PTK2B: variants seen among roughly 807,000 people sequenced by gnomAD.
PTK2B encodes the protein protein-tyrosine kinase 2-beta.
In PTK2B, 71 loss-of-function variants were observed where a neutral mutation model predicts 142.9. The ratio of observed to expected loss-of-function variants is 0.50; its 90% CI spans 0.41 to 0.61. The LOEUF is 0.61. Among genes scored for constraint, PTK2B ranks in the 20% least tolerant of loss-of-function variants. The pLI, the probability that PTK2B is intolerant of heterozygous loss-of-function variation, is 0.00. For synonymous variants in PTK2B, 519 were observed against 503.4 expected (o/e 1.03, Z -0.42); for missense variants, 1,105 against 1,320.4 (o/e 0.84, Z 2.53).
At position 27,397,686 on chromosome 8, in the gene PTK2B, A is replaced by G; in HGVS notation, c.102A>G (p.Glu34=). The part of the protein sequence containing the change: ...EPMVVVPVDV[E]KEDVRILKVC... ...TGGTGGTGGTACCAGTAGATGTGGA[A>G]AAGGAGGACGTGCGTATCCTCAAGG... The change falls in exon 2 of 31, where the codon GAA becomes GAG. Residue 34 remains glutamate (E), a synonymous_variant. Transcript: ENST00000346049. The G allele has an allele frequency of 6.2e-7, 1 of 1,614,228 alleles. No homozygotes were observed. The highest frequency in any genetic ancestry group is 2.2e-5 in the East Asian group (1 of 44,886).
chr8:27,457,319 A>AG (rs1812196639), intron 30 of PTK2B, among the ~76,000 whole-genome samples: 1 of 152,216 alleles, frequency 6.6e-6, no homozygotes, highest in South Asian at 2.1e-4. Context: ...TTTACTACTC[A>AG]GAAAAAAAAG....
At chr8:27,396,663 G>C (rs1032326187) in intron 1 of PTK2B, among the ~76,000 whole-genome samples, 1 of 152,234 alleles carries the variant, frequency 6.6e-6, no homozygotes, top group Non-Finnish European at 1.5e-5. Context: ...CTTCCTTTGG[G>C]CATTCCCTGC....
At chr8:27,337,927 T>C (rs1045562562) in intron 1 of PTK2B, among the ~76,000 whole-genome samples, 1 of 152,228 alleles carries the variant, frequency 6.6e-6, no homozygotes, top group African/African-American at 2.4e-5. Context: ...TTTAACATTT[T>C]GAGGAACTGT....
chr8:27,420,860 G>A, intron 4 of PTK2B, 116 bp downstream of exon 4: 1 of 922,594 alleles, frequency 1.1e-6, no homozygotes. Flanking sequence ...GAGGGCCCAG[G>A]CTAGGAAGCT....
chr8:27,422,513 G>A (rs55717430), intron 5 of PTK2B, 130 bp downstream of exon 5: 482 of 859,376 alleles, frequency 5.6e-4, no homozygotes, highest in Admixed American at 4.0e-3. Flanking sequence ...GGTGGTGACC[G>A]GCAGCAGGTG....
intron 1 of PTK2B, among the ~76,000 whole-genome samples, chr8:27,362,032 G>A (rs1805740608): frequency 6.6e-6 from 1 of 152,234 alleles, no homozygotes; most frequent in African/African-American, 2.4e-5. Flanking sequence ...ACCTGACTGG[G>A]TCTGTGGGTG....
At chr8:27,391,609 T>C (rs2131320056) in intron 1 of PTK2B, among the ~76,000 whole-genome samples, 2 of 152,372 alleles carry the variant, frequency 1.3e-5, no homozygotes, top group South Asian at 4.1e-4. Flanking sequence ...GGCACAGTAC[T>C]AGGTGCAGTT....
At chr8:27,320,063 GA>G (rs1450996794) in intron 3 of PTK2B, among the ~76,000 whole-genome samples, 2 of 152,122 alleles carry the variant, frequency 1.3e-5, no homozygotes, top group Non-Finnish European at 2.9e-5. Flanking sequence ...CATTGGGGTG[GA>G]GCCACAGGAG....
chr8:27,450,321 C>A (rs1811722097), intron 24 of PTK2B, among the ~76,000 whole-genome samples: 1 of 152,154 alleles, frequency 6.6e-6, no homozygotes, highest in South Asian at 2.1e-4. Context: ...TCCAACTAAG[C>A]AAAGCCAGCC....
At chr8:27,327,820 G>C (rs1056110353) in intron 1 of PTK2B, among the ~76,000 whole-genome samples, 7 of 152,194 alleles carry the variant, frequency 4.6e-5, no homozygotes, top group Admixed American at 1.3e-4. Context: ...CTGAAATGAG[G>C]GCAGGAGTAT....
intron 27 of PTK2B, chr8:27,452,103 T>C (rs140341099): frequency 6.6e-6 from 1 of 152,534 alleles, no homozygotes; most frequent in African/African-American, 2.4e-5. Context: ...AGGCACAGGG[T>C]GATTAGGTAA....
At chr8:27,332,578 A>T (rs540162280) in intron 1 of PTK2B, among the ~76,000 whole-genome samples, 3 of 147,486 alleles carry the variant, frequency 2.0e-5, no homozygotes, top group African/African-American at 7.4e-5. Context: ...TCTTCCCCCA[A>T]TTTTTTTTTT....
At chr8:27,334,025 A>G (rs965073895) in intron 1 of PTK2B, among the ~76,000 whole-genome samples, 1 of 152,000 alleles carries the variant, frequency 6.6e-6, no homozygotes, top group African/African-American at 2.4e-5. Context: ...CCACACACTC[A>G]GGTCAGAAAC....
At chr8:27,332,411 G>A (rs1334074525) in intron 1 of PTK2B, among the ~76,000 whole-genome samples, 4 of 152,284 alleles carry the variant, frequency 2.6e-5, no homozygotes, top group East Asian at 1.9e-4. Flanking sequence ...GGATCAGAAC[G>A]TGGTGGGTTT....
chr8:27,439,548 T>G (rs1811023996), intron 20 of PTK2B, 150 bp downstream of exon 20: 1 of 862,754 alleles, frequency 1.2e-6, no homozygotes, highest in Non-Finnish European at 1.8e-6. Flanking sequence ...GTCTCAGAGG[T>G]GGGGAGGCCA....
At chr8:27,310,891 G>C (rs776868750), upstream of PTK2B, 10 of 1,612,984 alleles carry the variant, frequency 6.2e-6, no homozygotes, top group Non-Finnish European at 8.5e-6. Context: ...GCAGCTCCTT[G>C]TCCTCGAGGC....
intron 24 of PTK2B, among the ~76,000 whole-genome samples, chr8:27,450,015 T>C (rs2132430266): frequency 6.6e-6 from 1 of 152,372 alleles, no homozygotes; most frequent in South Asian, 2.1e-4. Context: ...ATTTATCTTA[T>C]CTCTATAGAG....
At chr8:27,415,554 A>G (rs1432841751) in intron 2 of PTK2B, among the ~76,000 whole-genome samples, 2 of 152,234 alleles carry the variant, frequency 1.3e-5, no homozygotes, top group African/African-American at 4.8e-5. Context: ...ACTAAAAGGA[A>G]ACCTGCTCTT....
chr8:27,451,081 G>C lies in PTK2B; in HGVS notation c.2523+3G>C. The C allele has an allele frequency of 6.2e-7, 1 of 1,612,116 alleles. No homozygotes were observed. The highest frequency in any genetic ancestry group is 8.5e-7 in the Non-Finnish European group (1 of 1,178,184). ...ATATGAATGATAAGTCCCCATTGGT[G>C]AGTTGCCAGGAGAGGCCGCCTCCTC... On this transcript the variant is annotated splice_donor_region_variant and intron_variant, in intron 26 of 30. Transcript: ENST00000346049.
Sources: gnomAD v4.1 joint callset for allele counts (sites outside exome capture counted in the v4.1 genomes callset) on GRCh38, gnomAD v4.1.1 for gene constraint, MANE v1.5 for transcripts, NCBI Gene and HGNC (gene_info 2026-07-23, HGNC 2026-07-21) for gene names.